The following PFKP variants were observed in gnomAD, a reference collection of about 807,000 sequenced individuals.
The protein encoded by PFKP is ATP-dependent 6-phosphofructokinase, platelet type.
In PFKP, 101 loss-of-function variants were observed where a neutral mutation model predicts 94.3. The ratio of observed to expected loss-of-function variants is 1.07; its 90% CI spans 0.91 to 1.26. PFKP has a LOEUF of 1.26. Among genes scored for constraint, PFKP ranks in the 50% most tolerant of loss-of-function variants. PFKP has a pLI of 0.00. For synonymous variants in PFKP, 573 were observed against 432.6 expected (o/e 1.32, Z -4.03); for missense variants, 1,145 against 1,103.3 (o/e 1.04, Z -0.53).
intron 2 of PFKP, among the ~76,000 whole-genome samples, chr10:3,092,151 C>T (rs1358188972): frequency 1.3e-5 from 2 of 151,736 alleles, no homozygotes; most frequent in Non-Finnish European, 2.9e-5. Flanking sequence ...CCCCATGGCC[C>T]CCGGTCAGCA....
intron 1 of PFKP, among the ~76,000 whole-genome samples, chr10:3,076,042 T>TTA (rs1832563342): frequency 1.6e-5 from 2 of 122,186 alleles, no homozygotes; most frequent in South Asian, 2.5e-4. Flanking sequence ...AAAAAAAAAG[T>TTA]AAAAACCGGT....
intron 16 of PFKP, among the ~76,000 whole-genome samples, chr10:3,120,913 A>G (rs562361025): frequency 2.6e-5 from 4 of 151,936 alleles, no homozygotes; most frequent in Non-Finnish European, 5.9e-5. Context: ...CACAGAAAGC[A>G]TTTCATTTTT....
chr10:3,111,771 C>T (rs1347429713), intron 10 of PFKP, among the ~76,000 whole-genome samples: 1 of 152,092 alleles, frequency 6.6e-6, no homozygotes, highest in East Asian at 1.9e-4. Context: ...CCCCTCTGCT[C>T]CCCCGCCCGC....
chr10:3,123,363 T>C (rs1337401672), intron 16 of PFKP, among the ~76,000 whole-genome samples: 1 of 152,172 alleles, frequency 6.6e-6, no homozygotes, highest in Non-Finnish European at 1.5e-5. Flanking sequence ...CTTGAGAATT[T>C]TATGTTTTGC....
chr10:3,110,825 CATGT>C (rs1270238445), intron 10 of PFKP, among the ~76,000 whole-genome samples: 3 of 151,296 alleles, frequency 2.0e-5, no homozygotes, highest in Non-Finnish European at 4.4e-5. Flanking sequence ...TTTGGGTCTG[CATGT>C]ATGTGTATGT....
intron 16 of PFKP, among the ~76,000 whole-genome samples, chr10:3,120,399 G>C (rs1255634425): frequency 6.8e-6 from 1 of 147,502 alleles, no homozygotes; most frequent in African/African-American, 2.5e-5. Context: ...GTGTGTGTGT[G>C]CTGAGCCTAA....
intron 16 of PFKP, among the ~76,000 whole-genome samples, chr10:3,120,271 C>T (rs190716147): frequency 8.6e-5 from 13 of 152,046 alleles, no homozygotes; most frequent in Admixed American, 6.5e-4. Flanking sequence ...ACCAGGGGGA[C>T]GTAGTGTGGC....
chr10:3,087,902 C>T (rs1283279770), intron 2 of PFKP, among the ~76,000 whole-genome samples: 2 of 151,684 alleles, frequency 1.3e-5, no homozygotes, highest in South Asian at 2.1e-4. Context: ...GGTTCTATAA[C>T]CAGCTGTAGC....
At chr10:3,101,592 G>T (rs368213685) in intron 4 of PFKP, 38 bp downstream of exon 4, 20 of 1,428,480 alleles carry the variant, frequency 1.4e-5, no homozygotes, top group Non-Finnish European at 1.7e-5. Context: ...GCGGGTTTTC[G>T]CCCTGTTTCA....
intron 1 of PFKP, among the ~76,000 whole-genome samples, chr10:3,080,496 G>A (rs1183310157): frequency 8.2e-6 from 1 of 121,752 alleles, no homozygotes; most frequent in Non-Finnish European, 1.6e-5. Flanking sequence ...CAGCCTGGGA[G>A]ACAGAGCGAG....
At chr10:3,099,497 G>T in intron 3 of PFKP, 145 bp downstream of exon 3, 2 of 678,174 alleles carry the variant, frequency 2.9e-6, no homozygotes, top group Non-Finnish European at 5.2e-6. Context: ...CTTTACTTGT[G>T]GTTTGATTTT....
At chr10:3,135,642 G>A in intron 20 of PFKP, 94 bp from the exon 21 acceptor site, 2 of 769,446 alleles carry the variant, frequency 2.6e-6, no homozygotes, top group Non-Finnish European at 4.4e-6. Flanking sequence ...GCATGGTTCT[G>A]AGGAATCTCA....
At chr10:3,069,252 AG>A in intron 1 of PFKP, 1 of 1,456,426 alleles carries the variant, frequency 6.9e-7, no homozygotes, top group South Asian at 1.4e-5. Flanking sequence ...AAAGGACCCC[AG>A]CATCAACGTT....
At chr10:3,134,920 T>C (rs1465901500) in intron 20 of PFKP, among the ~76,000 whole-genome samples, 1 of 152,226 alleles carries the variant, frequency 6.6e-6, no homozygotes. Flanking sequence ...GAATGTTTGC[T>C]AGGACAACCT....
chr10:3,102,629 G>A (rs950746519), intron 4 of PFKP, among the ~76,000 whole-genome samples: 3 of 151,962 alleles, frequency 2.0e-5, no homozygotes, highest in Non-Finnish European at 2.9e-5. Flanking sequence ...ATAGGGTTTC[G>A]CCATGTTGGC....
Position 3,101,040 on chromosome 10 carries a change from A to G in PFKP, c.265-325A>G, listed in dbSNP as rs781093254. On this transcript the variant is annotated intron_variant, in intron 3 of 21. Transcript: ENST00000381125. ...CTTTGGTTCCACGTGCACCTGGTTG[A>G]GCTCGTTGGCCGGTGCTGAGGCGGC... 8.6e-6 allele frequency: 13 copies of G among 1,520,174 alleles called. No individual in the cohort carries two copies. The South Asian group carries it at 1.5e-4, about 17-fold the overall frequency. The allele number at this position is 1,520,174 out of a possible 1,614,324, so 94.2% of individuals were successfully genotyped here.
chr10:3,068,783 T>C, intron 1 of PFKP: 1 of 774,704 alleles, frequency 1.3e-6, no homozygotes, highest in Non-Finnish European at 1.6e-6. Flanking sequence ...CTGGGAGCCT[T>C]AGCGATCGCG....
chr10:3,132,846 C>T lies in PFKP; in HGVS notation c.1911-357C>T, dbSNP rs537737860. Among the ~76,000 whole-genome samples, 7 of 152,244 alleles carry T rather than the reference C, an allele frequency of 4.6e-5. No homozygotes were observed. The East Asian group carries it at 5.8e-4, about 13-fold the overall frequency. ...GATAACCAAGGTGGCTACTGAGTGA[C>T]TCGGGCAGGAGGCACAGACAGCATG... On this transcript the variant is annotated intron_variant, in intron 18 of 21. Transcript: ENST00000381125.
At chr10:3,128,503 A>ACT (rs975840182) in intron 16 of PFKP, among the ~76,000 whole-genome samples, 3 of 85,540 alleles carry the variant, frequency 3.5e-5, no homozygotes, top group African/African-American at 1.1e-4. Context: ...GGAAAATAAT[A>ACT]CTCTCTCCCA....
Sources: allele counts gnomAD v4.1 joint callset (sites outside exome capture counted in the v4.1 genomes callset), GRCh38; gene constraint gnomAD v4.1.1; transcripts MANE v1.5; gene names NCBI Gene and HGNC (gene_info 2026-07-23, HGNC 2026-07-21).